The following TSHZ2 variants were observed in gnomAD, a reference collection of about 807,000 sequenced individuals.
The protein encoded by TSHZ2 is teashirt zinc finger homeobox 2, also known as teashirt homolog 2.
TSHZ2 carries 21 observed loss-of-function variants against 74.4 expected under a neutral mutation model. That is an observed-to-expected ratio of 0.28 (90% CI 0.20 to 0.41). The LOEUF (loss-of-function observed/expected upper bound fraction) is 0.41, where lower values mean the gene tolerates loss of function less well. Among genes scored for constraint, TSHZ2 ranks in the 10% least tolerant of loss-of-function variants. The pLI is 1.00. For synonymous variants in TSHZ2, 540 were observed against 515.3 expected (o/e 1.05, Z -0.65); for missense variants, 1,244 against 1,293.5 (o/e 0.96, Z 0.59).
intron 1 of TSHZ2, among the ~76,000 whole-genome samples, chr20:53,097,274 T>C (rs1986082490): frequency 6.6e-6 from 1 of 152,166 alleles, no homozygotes; most frequent in Non-Finnish European, 1.5e-5. Flanking sequence ...TTGCTATGTT[T>C]TATTCCCCAG....
intron 1 of TSHZ2, among the ~76,000 whole-genome samples, chr20:53,094,139 T>C (rs1005853266): frequency 2.6e-5 from 4 of 152,140 alleles, no homozygotes; most frequent in Admixed American, 1.3e-4. Flanking sequence ...TTTCACCCTA[T>C]AGTGGCAAAG....
At chr20:53,333,343 C>A (rs1187066226) in intron 2 of TSHZ2, among the ~76,000 whole-genome samples, 2 of 152,048 alleles carry the variant, frequency 1.3e-5, no homozygotes, top group Admixed American at 1.3e-4. Context: ...CAATTAGAGG[C>A]CTTTGAAGAA....
At chr20:52,995,212 G>A (rs938357917) in intron 1 of TSHZ2, among the ~76,000 whole-genome samples, 15 of 152,222 alleles carry the variant, frequency 9.9e-5, no homozygotes, top group African/African-American at 2.7e-4. Flanking sequence ...CCAAGGAATG[G>A]AGTTGGGGTA....
chr20:53,454,658 C>T (rs985508252), intron 2 of TSHZ2, among the ~76,000 whole-genome samples: 1 of 152,136 alleles, frequency 6.6e-6, no homozygotes, highest in Non-Finnish European at 1.5e-5. Flanking sequence ...GTCACTCCCT[C>T]AGAGAGGGCT....
chr20:53,236,895 A>C (rs6091648), intron 1 of TSHZ2, among the ~76,000 whole-genome samples: 2,641 of 152,288 alleles, frequency 0.017, 90 homozygotes, highest in African/African-American at 0.061. Context: ...TAAGAACAGC[A>C]CAGGGGAACT....
intron 2 of TSHZ2, among the ~76,000 whole-genome samples, chr20:53,472,984 C>T (rs6022510): frequency 8.0e-4 from 122 of 151,904 alleles, no homozygotes; most frequent in Middle Eastern, 3.2e-3. Context: ...GATTATATCC[C>T]GCACCTGGCT....
At chr20:52,977,452 A>G (rs934311110) in intron 1 of TSHZ2, among the ~76,000 whole-genome samples, 2 of 144,360 alleles carry the variant, frequency 1.4e-5, no homozygotes, top group African/African-American at 5.0e-5. Flanking sequence ...ACACACACAC[A>G]CACACACACA....
At chr20:52,983,085 C>G (rs1227159659) in intron 1 of TSHZ2, among the ~76,000 whole-genome samples, 2 of 152,140 alleles carry the variant, frequency 1.3e-5, no homozygotes, top group Admixed American at 6.5e-5. Context: ...ACATTCCCAG[C>G]CTTCATAGAG....
chr20:53,417,241 GACACACAC>G lies in TSHZ2; in HGVS notation c.*9-69872_*9-69865del, dbSNP rs56822266. Among the ~76,000 whole-genome samples, 328 of 138,120 alleles carry G rather than the reference GACACACAC, an allele frequency of 2.4e-3. 2 individuals are homozygous for G. Among genetic ancestry groups the G allele is most frequent in the African/African-American group, 5.9e-3 (222 of 37,654 alleles). 90.6% of individuals were successfully genotyped at this position (138,120 alleles called of 152,430 possible). A position where few individuals can be genotyped will look rare whatever the true frequency, so the allele number is the denominator to read the frequency against. ...CTATATACAGACACAGACACACACA[GACACACAC>G]ACACACACACACACACACACACACA... On this transcript the variant is annotated intron_variant, in intron 2 of 2. Transcript: ENST00000371497.
chr20:53,484,605 T>A (rs1478417560), intron 2 of TSHZ2, among the ~76,000 whole-genome samples: 1 of 151,994 alleles, frequency 6.6e-6, no homozygotes, highest in East Asian at 1.9e-4. Context: ...AGGCTGGTCT[T>A]GATCTCATAG....
chr20:53,187,823 G>A (rs1988637281), intron 1 of TSHZ2, among the ~76,000 whole-genome samples: 1 of 152,122 alleles, frequency 6.6e-6, no homozygotes, highest in South Asian at 2.1e-4. Context: ...AAAGGGTGGT[G>A]CTATCATGAG....
intron 2 of TSHZ2, among the ~76,000 whole-genome samples, chr20:53,473,834 CA>C (rs1393399840): frequency 6.6e-6 from 1 of 152,084 alleles, no homozygotes; most frequent in Non-Finnish European, 1.5e-5. Context: ...AGCTGAAAAC[CA>C]AGGCTGGAGA....
chr20:53,058,217 G>C (rs553775538), intron 1 of TSHZ2, among the ~76,000 whole-genome samples: 1 of 152,258 alleles, frequency 6.6e-6, no homozygotes, highest in Admixed American at 6.5e-5. Flanking sequence ...GTGTGGCCTG[G>C]TTCCTAACAG....
At chr20:53,191,433 C>T (rs570866809) in intron 1 of TSHZ2, among the ~76,000 whole-genome samples, 8 of 152,194 alleles carry the variant, frequency 5.3e-5, no homozygotes, top group East Asian at 3.9e-4. Flanking sequence ...GAGGCCGAGG[C>T]GGGTGGATCA....
chr20:53,173,055 A>G (rs1329032558), intron 1 of TSHZ2, among the ~76,000 whole-genome samples: 1 of 152,216 alleles, frequency 6.6e-6, no homozygotes, highest in Non-Finnish European at 1.5e-5. Context: ...GAGCTGGTGC[A>G]TGACACATAA....
intron 2 of TSHZ2, among the ~76,000 whole-genome samples, chr20:53,419,742 ACTC>A (rs769202066): frequency 1.8e-4 from 28 of 152,156 alleles, no homozygotes; most frequent in Non-Finnish European, 3.7e-4. Flanking sequence ...AAGTGGCACT[ACTC>A]TAACCACCCT....
chr20:53,313,838 A>T (rs1417503819), intron 2 of TSHZ2, among the ~76,000 whole-genome samples: 5 of 152,232 alleles, frequency 3.3e-5, no homozygotes, highest in Non-Finnish European at 7.3e-5. Flanking sequence ...TGGCTCTGAA[A>T]TGAACAAACT....
At chr20:53,118,809 C>T (rs1244273361) in intron 1 of TSHZ2, among the ~76,000 whole-genome samples, 1 of 152,092 alleles carries the variant, frequency 6.6e-6, no homozygotes, top group Non-Finnish European at 1.5e-5. Flanking sequence ...TGCTTTAAAG[C>T]GATACCTGAG....
In TSHZ2 at chr20:53,469,044, T is replaced by TA. The variant is rs1231727848; in HGVS notation, c.*9-18100_*9-18099insA. Among the ~76,000 whole-genome samples the TA allele has an allele frequency of 1.9e-3, 153 of 79,018 alleles. 3 individuals are homozygous for TA. The highest frequency in any genetic ancestry group is 2.2e-3 in the Non-Finnish European group (95 of 43,022). The allele number at this position is 79,018 out of a possible 152,430, so 51.8% of individuals were successfully genotyped here. A position where few individuals can be genotyped will look rare whatever the true frequency, so the allele number is the denominator to read the frequency against. Reference sequence around the variant, plus strand: ...AACCTAAAGGCTCTGAAATCGATATTTTATATATATATATATATATATATA... The same window carrying TA: ...AACCTAAAGGCTCTGAAATCGATATTATTATATATATATATATATATATATA... On this transcript the variant is annotated intron_variant, in intron 2 of 2. Transcript: ENST00000371497.
Sources: gnomAD v4.1 joint callset for allele counts (sites outside exome capture counted in the v4.1 genomes callset) on GRCh38, gnomAD v4.1.1 for gene constraint, MANE v1.5 for transcripts, NCBI Gene and HGNC (gene_info 2026-07-23, HGNC 2026-07-21) for gene names.